The following XKR6 variants were observed in gnomAD, a reference collection of about 807,000 sequenced individuals.
XKR6 encodes XK-related protein 6.
XKR6 carries 22 observed loss-of-function variants against 56.7 expected under a neutral mutation model. The observed-to-expected ratio is 0.39, with a 90% CI of 0.28 to 0.55. The LOEUF is 0.55. XKR6 is among the 20% of genes least tolerant of loss of function. The pLI is 0.66. For synonymous variants in XKR6, 524 were observed against 387.8 expected, an observed-to-expected ratio of 1.35 and a Z score of -4.13; for missense variants, 852 against 889.0, an observed-to-expected ratio of 0.96 and a Z score of 0.53.
chr8:11,182,071 G>A (rs1002602535), intron 1 of XKR6, among the ~76,000 whole-genome samples: 9 of 152,156 alleles, frequency 5.9e-5, no homozygotes, highest in African/African-American at 1.7e-4. Context: ...GAGCCACCAC[G>A]CCCAGTTTGT....
In XKR6 at chr8:11,201,335, G is replaced by A; in HGVS notation, c.5C>T (p.Ala2Val). M[A>V]AKSDGGGVGV... ...CACGCCACCGCCATCGGATTTCGCCGCCATCTTGACTCTCTTCCCAGCTCC... is the reference window on the plus strand; with the variant it reads ...CACGCCACCGCCATCGGATTTCGCCACCATCTTGACTCTCTTCCCAGCTCC... Residue 2 changes from alanine (A) to valine (V), a missense_variant, in exon 1 of 3, where the codon GCG (alanine) becomes GTG (valine). Physicochemically the swap from Ala to Val is moderately conservative, Grantham distance 64. Around this residue, in one of 4 missense-constraint regions of XKR6, gnomAD observed 417 missense variants for 355.2 expected, o/e 1.17. Coordinates refer to ENST00000416569, the MANE Select transcript of XKR6 (RefSeq NM_173683.4). 2.3e-6 allele frequency: 3 copies of A among 1,316,418 alleles called. No homozygotes were observed. The highest frequency in any genetic ancestry group is 3.0e-6 in the Non-Finnish European group (3 of 1,008,410). 81.5% of individuals were successfully genotyped at this position (1,316,418 alleles called of 1,614,324 possible). A position where few individuals can be genotyped will look rare whatever the true frequency, so the allele number is the denominator to read the frequency against.
intron 1 of XKR6, among the ~76,000 whole-genome samples, chr8:10,929,439 C>A (rs1800995091): frequency 6.6e-6 from 1 of 152,240 alleles, no homozygotes. Flanking sequence ...GGCTTCAAGC[C>A]CAGGCAGTCT....
At chr8:10,929,431 C>T (rs1800995027) in intron 1 of XKR6, among the ~76,000 whole-genome samples, 1 of 152,248 alleles carries the variant, frequency 6.6e-6, no homozygotes, top group Non-Finnish European at 1.5e-5. Context: ...CTGAGCAGGG[C>T]TTCAAGCCCA....
At chr8:10,982,029 C>T (rs1305782638) in intron 1 of XKR6, among the ~76,000 whole-genome samples, 8 of 152,352 alleles carry the variant, frequency 5.3e-5, no homozygotes, top group African/African-American at 1.7e-4. Flanking sequence ...AGGCTGTGAT[C>T]ACCGCAGAAG....
At chr8:10,912,601 G>C (rs944656734) in intron 2 of XKR6, among the ~76,000 whole-genome samples, 2 of 146,218 alleles carry the variant, frequency 1.4e-5, no homozygotes, top group Admixed American at 1.4e-4. Context: ...TATGTAGAGA[G>C]AGAGAAAGAG....
chr8:10,926,448 G>A (rs753956853), intron 1 of XKR6, among the ~76,000 whole-genome samples: 43 of 152,378 alleles, frequency 2.8e-4, no homozygotes, highest in Admixed American at 9.1e-4. Context: ...GGATCCTGAA[G>A]GCACCCAGCC....
intron 1 of XKR6, among the ~76,000 whole-genome samples, chr8:10,937,967 A>T (rs1338880671): frequency 3.3e-5 from 5 of 151,282 alleles, no homozygotes; most frequent in Admixed American, 3.3e-4. Context: ...TACCTAAGCA[A>T]GCCTGAGCAA....
At chr8:11,016,274 C>G (rs958419708) in intron 1 of XKR6, among the ~76,000 whole-genome samples, 1 of 152,146 alleles carries the variant, frequency 6.6e-6, no homozygotes, top group Admixed American at 6.5e-5. Flanking sequence ...TCCCTCTGCC[C>G]CGCGCCCTGG....
In XKR6 at chr8:11,137,683, C is replaced by T. The variant is rs1274557084; in HGVS notation, c.764+62893G>A. 10 of 456,074 alleles carry T rather than the reference C, an allele frequency of 2.2e-5. 1 individual carries two copies. Among genetic ancestry groups the T allele is most frequent in the African/African-American group, 8.0e-5 (4 of 50,052 alleles). 28.3% of individuals were successfully genotyped at this position (456,074 alleles called of 1,614,324 possible). The stretch of plus-strand genomic sequence containing the variant: ...GCAATGCAATGTGGAGCACAAGCAG[C>T]GGAGAGTCTGCTGAAGAAGCTACTC... On this transcript the variant is annotated intron_variant, in intron 1 of 2. Transcript: ENST00000416569.
chr8:11,118,572 C>G (rs1799291975), intron 1 of XKR6, among the ~76,000 whole-genome samples: 1 of 152,212 alleles, frequency 6.6e-6, no homozygotes, highest in South Asian at 2.1e-4. Context: ...TCCATTTCTT[C>G]TAGACTTTCT....
At position 11,201,383 on chromosome 8, in the gene XKR6, CGGGG is replaced by C; in HGVS notation, c.-48_-45del. On this transcript the variant is annotated 5_prime_UTR_variant, in exon 1 of 3. Transcript: ENST00000416569. ...TCCGGAGGTTGGGGGGGAGGGACGG[CGGGG>C]GGGGGGGGAAGAAGGCAGGGAACGG... 6.4e-6 allele frequency: 1 copy of C among 155,864 alleles called. No homozygotes were observed. Among genetic ancestry groups the C allele is most frequent in the Non-Finnish European group, 1.1e-5 (1 of 88,064 alleles). The allele number at this position is 155,864 out of a possible 1,614,324, so 9.7% of individuals were successfully genotyped here.
chr8:11,161,949 T>C (rs999388585), intron 1 of XKR6, among the ~76,000 whole-genome samples: 7 of 151,960 alleles, frequency 4.6e-5, no homozygotes, highest in African/African-American at 1.7e-4. Context: ...CTGAGCAAAA[T>C]GAGAAAGAAA....
intron 1 of XKR6, chr8:11,062,943 G>T (rs1190615530): frequency 2.3e-6 from 1 of 433,878 alleles, no homozygotes; most frequent in Middle Eastern, 3.4e-4. Context: ...TCATGCATTG[G>T]CTAGAAGTGA....
At chr8:11,100,357 A>G (rs549930964) in intron 1 of XKR6, among the ~76,000 whole-genome samples, 22 of 152,358 alleles carry the variant, frequency 1.4e-4, no homozygotes, top group African/African-American at 5.1e-4. Context: ...ACTTGGCCTC[A>G]TTTTTAAAAA....
chr8:11,135,446 A>C (rs1480303902), intron 1 of XKR6, among the ~76,000 whole-genome samples: 1 of 152,238 alleles, frequency 6.6e-6, no homozygotes, highest in African/African-American at 2.4e-5. Context: ...ATTTACTTAC[A>C]GTTTAATATT....
At chr8:11,148,291 T>C (rs1214482407) in intron 1 of XKR6, among the ~76,000 whole-genome samples, 1 of 152,110 alleles carries the variant, frequency 6.6e-6, no homozygotes, top group African/African-American at 2.4e-5. Flanking sequence ...CTAGTGTCCT[T>C]ATAATAATAG....
Position 10,898,743 on chromosome 8 carries a change from C to T in XKR6, c.1135G>A (p.Ala379Thr). Reference protein sequence around the residue: ...SSRVISFALFASIFQLYFGIF... With the variant: ...SSRVISFALFTSIFQLYFGIF... Reference sequence around the variant, plus strand: ...CCAAAATAGAGCTGGAAGATGGAAGCAAAGAGGGCAAAAGAGATCACTCGG... The same window carrying T: ...CCAAAATAGAGCTGGAAGATGGAAGTAAAGAGGGCAAAAGAGATCACTCGG... The change falls in exon 3 of 3, where the codon GCT becomes ACT. Residue 379 changes from alanine to threonine, a missense_variant. Physicochemically the swap from Ala to Thr is moderately conservative, Grantham distance 58 (BLOSUM62 0). Transcript: ENST00000416569. The surrounding 1 kb of genome is among the most constrained non-coding windows in gnomAD (Gnocchi z 6.6). The T allele has an allele frequency of 6.2e-7, 1 of 1,614,086 alleles. No homozygotes were observed. Among genetic ancestry groups the T allele is most frequent in the Non-Finnish European group, 8.5e-7 (1 of 1,180,026 alleles).
chr8:11,055,846 G>A (rs1799669591), intron 1 of XKR6, among the ~76,000 whole-genome samples: 1 of 152,142 alleles, frequency 6.6e-6, no homozygotes, highest in Non-Finnish European at 1.5e-5. Flanking sequence ...CCTGGGCTGG[G>A]GAACCTGGAT....
chr8:10,927,827 G>A (rs1049291519), intron 1 of XKR6, among the ~76,000 whole-genome samples: 1 of 152,122 alleles, frequency 6.6e-6, no homozygotes, highest in Non-Finnish European at 1.5e-5. Context: ...ACTCCTCCCT[G>A]AGCCAATTAG....
Sources: allele counts gnomAD v4.1 joint callset (sites outside exome capture counted in the v4.1 genomes callset), GRCh38; gene constraint gnomAD v4.1.1; regional missense constraint gnomAD v4.1.1; non-coding constraint Gnocchi (gnomAD v3.1); transcripts MANE v1.5; gene names NCBI Gene and HGNC (gene_info 2026-07-23, HGNC 2026-07-21).